MBD5: variants seen among roughly 807,000 people sequenced by gnomAD.
MBD5 encodes methyl-CpG-binding domain protein 5.
In MBD5, 13 loss-of-function variants were observed where a neutral mutation model predicts 117.3. That is an observed-to-expected ratio of 0.11 (90% confidence interval 0.07 to 0.18). The LOEUF is 0.18. Ranked by LOEUF, MBD5 falls within the 10% of genes least tolerant of loss-of-function variation. The pLI is 1.00. For synonymous variants in MBD5, 727 were observed against 766.4 expected (o/e 0.95, Z 0.85); for missense variants, 1,879 against 2,093.8 (o/e 0.90, Z 2.00).
At chr2:148,331,334 A>T (rs2602354) in intron 3 of MBD5, among the ~76,000 whole-genome samples, 86,326 of 151,802 alleles carry the variant, frequency 0.57, 24,968 homozygotes, top group Admixed American at 0.69. Flanking sequence ...TAAGCTTCCT[A>T]CCATCAGTTT....
chr2:148,340,133 T>G (rs973157881), intron 3 of MBD5, among the ~76,000 whole-genome samples: 1 of 152,130 alleles, frequency 6.6e-6, no homozygotes, highest in Non-Finnish European at 1.5e-5. Flanking sequence ...ACTAACAAAC[T>G]TTAGTCCTTA....
Position 148,483,576 on chromosome 2 carries a change from C to A in MBD5, c.2985C>A (p.Asn995Lys). 6.4e-7 allele frequency: 1 copy of A among 1,561,712 alleles called. No individual in the cohort carries two copies. The highest frequency in any genetic ancestry group is 8.7e-7 in the Non-Finnish European group (1 of 1,153,070). The change falls in exon 9 of 14, where the codon AAC (asparagine) becomes AAA (lysine). Residue 995 changes from asparagine to lysine, a missense_variant. This residue lies in a region of MBD5 where 1,666 missense variants were observed against 1,792.2 expected (regional missense o/e 0.93). Transcript: ENST00000642680. ...HFQLLAALLQ[N>K]QAQAAAMLPL... Reference sequence around the variant, plus strand: ...AGCTCTTAGCAGCCTTGCTTCAGAACCAAGCCCAAGCAGCTGCCATGCTTC... The same window carrying A: ...AGCTCTTAGCAGCCTTGCTTCAGAAACAAGCCCAAGCAGCTGCCATGCTTC...
chr2:148,200,692 C>CAA (rs770296644), intron 2 of MBD5, among the ~76,000 whole-genome samples: 7 of 57,730 alleles, frequency 1.2e-4, no homozygotes, highest in Admixed American at 4.0e-4. Flanking sequence ...GACTCTATCT[C>CAA]AAAAAAAAAA....
chr2:148,422,884 A>G (rs1270362908), intron 4 of MBD5, among the ~76,000 whole-genome samples: 1 of 152,196 alleles, frequency 6.6e-6, no homozygotes, highest in Non-Finnish European at 1.5e-5. Flanking sequence ...AAGATTAGAT[A>G]AAAAAGAATG....
intron 3 of MBD5, among the ~76,000 whole-genome samples, chr2:148,269,337 C>T (rs1178850515): frequency 6.6e-6 from 1 of 151,440 alleles, no homozygotes; most frequent in African/African-American, 2.4e-5. Flanking sequence ...TTTAATGCTC[C>T]AAGTTCTCTT....
intron 4 of MBD5, among the ~76,000 whole-genome samples, chr2:148,396,620 T>G (rs1056585364): frequency 6.6e-6 from 1 of 152,240 alleles, no homozygotes; most frequent in African/African-American, 2.4e-5. Flanking sequence ...TTCTCCACCT[T>G]GCTCTTTGTG....
intron 1 of MBD5, among the ~76,000 whole-genome samples, chr2:148,163,427 T>G (rs1327198763): frequency 2.7e-5 from 4 of 149,596 alleles, no homozygotes; most frequent in Non-Finnish European, 5.9e-5. Flanking sequence ...ATTAAATAAC[T>G]TTTTTTTTTT....
chr2:148,426,437 C>T (rs1324768786), intron 4 of MBD5, among the ~76,000 whole-genome samples: 3 of 150,880 alleles, frequency 2.0e-5, no homozygotes, highest in South Asian at 4.2e-4. Context: ...CAGCATGGTA[C>T]TGGTACCAAA....
chr2:148,259,088 C>G (rs538980421), intron 3 of MBD5, among the ~76,000 whole-genome samples: 1 of 152,308 alleles, frequency 6.6e-6, no homozygotes, highest in Admixed American at 6.5e-5. Context: ...ATACCCATCT[C>G]CCGGATGACT....
intron 3 of MBD5, among the ~76,000 whole-genome samples, chr2:148,318,297 GT>G (rs375528289): frequency 0.014 from 2,014 of 144,120 alleles, 44 homozygotes; most frequent in African/African-American, 0.048. Context: ...ACTTCTTAAT[GT>G]TTTTTTTTTT....
chr2:148,186,571 T>G (rs1352836882), intron 2 of MBD5, among the ~76,000 whole-genome samples: 5 of 152,186 alleles, frequency 3.3e-5, no homozygotes, highest in African/African-American at 9.7e-5. Context: ...AAAACAGTCA[T>G]GAAGAAAAGA....
intron 3 of MBD5, among the ~76,000 whole-genome samples, chr2:148,327,021 G>T (rs1325599490): frequency 6.6e-6 from 1 of 151,762 alleles, no homozygotes; most frequent in Non-Finnish European, 1.5e-5. Flanking sequence ...AGCTCTTTTA[G>T]GGAAGGCCTG....
intron 1 of MBD5, among the ~76,000 whole-genome samples, chr2:148,126,841 G>A (rs921565952): frequency 2.0e-5 from 3 of 152,118 alleles, no homozygotes; most frequent in African/African-American, 7.2e-5. Context: ...TATTGAGAGA[G>A]AGAATATGAT....
intron 2 of MBD5, among the ~76,000 whole-genome samples, chr2:148,228,034 T>C (rs1699881400): frequency 6.6e-6 from 1 of 152,222 alleles, no homozygotes; most frequent in Non-Finnish European, 1.5e-5. Flanking sequence ...GTTTTCTAGA[T>C]ATACAATCAT....
chr2:148,153,105 T>TC (rs1697737947), intron 1 of MBD5, among the ~76,000 whole-genome samples: 2 of 151,956 alleles, frequency 1.3e-5, no homozygotes, highest in South Asian at 4.2e-4. Context: ...GTTTAGCGCT[T>TC]CCTTCAGGAG....
At chr2:148,360,341 T>C (rs1350690581) in intron 4 of MBD5, among the ~76,000 whole-genome samples, 4 of 152,190 alleles carry the variant, frequency 2.6e-5, no homozygotes, top group Non-Finnish European at 4.4e-5. Context: ...ATTTTTAGTA[T>C]ATGTTCTTTT....
chr2:148,483,371 C>T lies in MBD5; in HGVS notation c.2780C>T (p.Pro927Leu), dbSNP rs1432775366. ...CTCAGTTCTCTACCTATCTCTTTGCCAGTGAATCAACAGCATCTCCTAAAC... is the reference window on the plus strand; with the variant it reads ...CTCAGTTCTCTACCTATCTCTTTGCTAGTGAATCAACAGCATCTCCTAAAC... ...SLLSSLPISLPVNQQHLLNQN... is the reference protein window; with the variant it reads ...SLLSSLPISLLVNQQHLLNQN... Residue 927 changes from proline to leucine, a missense_variant, in exon 9 of 14, where the codon CCA becomes CTA. This residue lies in a region of MBD5 where 1,666 missense variants were observed against 1,792.2 expected (regional missense o/e 0.93). Coordinates refer to ENST00000642680, the MANE Select transcript of MBD5 (RefSeq NM_001378120.1). The T allele has an allele frequency of 1.2e-6, 2 of 1,614,080 alleles. No homozygotes were observed. Among genetic ancestry groups the T allele is most frequent in the East Asian group, 2.2e-5 (1 of 44,874 alleles).
intron 3 of MBD5, among the ~76,000 whole-genome samples, chr2:148,333,415 C>G (rs1425600205): frequency 1.3e-5 from 2 of 152,178 alleles, no homozygotes; most frequent in Non-Finnish European, 2.9e-5. Context: ...TCTTCTTCCA[C>G]TTTCCTACCT....
chr2:148,082,213 A>G (rs1376035826), intron 1 of MBD5, among the ~76,000 whole-genome samples: 2 of 152,172 alleles, frequency 1.3e-5, no homozygotes, highest in African/African-American at 2.4e-5. Context: ...ACTGCTCTCT[A>G]CAAGACCTTT....
Sources: allele counts gnomAD v4.1 joint callset (sites outside exome capture counted in the v4.1 genomes callset), GRCh38; gene constraint gnomAD v4.1.1; regional missense constraint gnomAD v4.1.1; transcripts MANE v1.5; gene names NCBI Gene and HGNC (gene_info 2026-07-23, HGNC 2026-07-21).